GRK1: variants seen among roughly 807,000 people sequenced by gnomAD.
GRK1 encodes the protein rhodopsin kinase GRK1.
A neutral mutation model predicts 41.7 loss-of-function variants in GRK1; 28 were observed. The ratio of observed to expected loss-of-function variants is 0.67; its 90% CI spans 0.50 to 0.92. The LOEUF is 0.92. GRK1 is among the 40% of genes least tolerant of loss of function. The probability of loss-of-function intolerance (pLI) is 0.00; values close to 1 mark genes in which losing one functional copy is unlikely to be tolerated. For missense variants in GRK1, 703 were observed against 671.2 expected (o/e 1.05, Z -0.52); for synonymous variants, 327 against 286.7 (o/e 1.14, Z -1.42).
intron 4 of GRK1, among the ~76,000 whole-genome samples, chr13:113,729,944 C>G (rs936958221): frequency 1.3e-5 from 2 of 148,994 alleles, no homozygotes; most frequent in African/African-American, 5.0e-5. Context: ...AGACAGTCCC[C>G]GCGGCTGCGC....
In GRK1 at chr13:113,667,525, TGTGA is replaced by T. The variant is rs748680704; in HGVS notation, c.142_145del (p.Glu48ProfsTer82). The T allele has an allele frequency of 7.4e-6, 12 of 1,613,318 alleles. No individual in the cohort carries two copies. In the South Asian group the frequency reaches 1.3e-4, roughly 18 times the overall value. On this transcript the variant is annotated frameshift_variant, in exon 1 of 7. Transcript: ENST00000335678. LOFTEE classifies it high-confidence loss of function. This position sits in a 1 kb window ranked among gnomAD's most constrained non-coding sequence, Gnocchi z 7.5. ...GCTCAAGCTGCCCCCGCTGTCCAAG[TGTGA>T]GTCCCTCCGCGACAGCCTCAGCCTG...
chr13:113,732,747 C>A, intron 5 of GRK1, 137 bp from the exon 6 acceptor site: 1 of 823,786 alleles, frequency 1.2e-6, no homozygotes, highest in Non-Finnish European at 1.9e-6. Flanking sequence ...CGCTGCTGTG[C>A]TGGGGAGGGG....
At chr13:113,653,211 C>G in the GRK1 span, 2 of 1,386,050 alleles carry the variant, frequency 1.4e-6, no homozygotes, top group Non-Finnish European at 2.0e-6. Flanking sequence ...TTTCACACCT[C>G]ACCTGCTGCT....
At chr13:113,732,183 C>G (rs2049942052) in intron 5 of GRK1, among the ~76,000 whole-genome samples, 2 of 152,192 alleles carry the variant, frequency 1.3e-5, no homozygotes, top group Non-Finnish European at 2.9e-5. Flanking sequence ...AGAGTTGCAT[C>G]AGGCTGCCTT....
the GRK1 span, among the ~76,000 whole-genome samples, chr13:113,659,659 C>T: frequency 4.6e-5 from 7 of 151,992 alleles, no homozygotes; most frequent in East Asian, 9.7e-4. Context: ...TTTAGAACTC[C>T]TGAGTTCAAG....
chr13:113,660,960 A>C, the GRK1 span, among the ~76,000 whole-genome samples: 1 of 152,222 alleles, frequency 6.6e-6, no homozygotes, highest in Non-Finnish European at 1.5e-5. Flanking sequence ...GAACAACCAA[A>C]TAGAAAATTA....
intron 6 of GRK1, among the ~76,000 whole-genome samples, chr13:113,733,737 A>G (rs1208548328): frequency 3.3e-4 from 29 of 87,146 alleles, no homozygotes; most frequent in South Asian, 7.7e-4. Context: ...GCGCGTGTGT[A>G]TGTGTGCATA....
chr13:113,667,085 G>T, upstream of GRK1: 1 of 293,306 alleles, frequency 3.4e-6, no homozygotes, highest in South Asian at 8.6e-5. This position sits in a 1 kb window ranked among gnomAD's most constrained non-coding sequence, Gnocchi z 7.5. Context: ...CGGGCAGAAT[G>T]ATCTAATCGG....
chr13:113,732,854 G>A, intron 5 of GRK1, 30 bp from the exon 6 acceptor site: 1 of 1,521,174 alleles, frequency 6.6e-7, no homozygotes, highest in Non-Finnish European at 8.8e-7. Context: ...GGCGGGTCTG[G>A]CAGGGCTAAG....
the GRK1 span, chr13:113,654,735 T>TC: frequency 6.6e-7 from 1 of 1,520,554 alleles, no homozygotes. Flanking sequence ...AGGGCACGGG[T>TC]CCCCCGGGCG....
Position 113,735,073 on chromosome 13 carries a change from C to T in GRK1, c.1402C>T (p.Leu468=). 5.3e-6 allele frequency: 8 copies of T among 1,513,654 alleles called. No homozygotes were observed. The highest frequency in any genetic ancestry group is 7.1e-6 in the Non-Finnish European group (8 of 1,129,338). The allele number at this position is 1,513,654 out of a possible 1,614,324, so 93.8% of individuals were successfully genotyped here. ...GTGTTTTCTGTCTCCCACAGGGATG[C>T]TGATGCCCCCTTTCATCCCAGACTC... The part of the protein sequence containing the change: ...LNWRQLEAGM[L]MPPFIPDSKT... Residue 468 remains leucine, a synonymous_variant, in exon 7 of 7, where the codon CTG becomes TTG. Coordinates refer to ENST00000335678, the MANE Select transcript of GRK1 (RefSeq NM_002929.3).
chr13:113,658,033 C>A, the GRK1 span: 2 of 1,598,190 alleles, frequency 1.3e-6, no homozygotes, highest in South Asian at 1.1e-5. Flanking sequence ...CCGCACGTAC[C>A]CCACCGGGAC....
intron 4 of GRK1, among the ~76,000 whole-genome samples, chr13:113,729,924 C>T (rs2049922164): frequency 6.7e-6 from 1 of 150,352 alleles, no homozygotes; most frequent in African/African-American, 2.5e-5. Flanking sequence ...AGACCCATCC[C>T]TCCATCCCAA....
chr13:113,729,009 T>C (rs1180273947), intron 4 of GRK1, among the ~76,000 whole-genome samples: 1 of 152,008 alleles, frequency 6.6e-6, no homozygotes, highest in African/African-American at 2.4e-5. Context: ...ATCTTCTCTG[T>C]GAGGAGCAGT....
chr13:113,729,287 C>T (rs550297006), intron 4 of GRK1, among the ~76,000 whole-genome samples: 77 of 152,346 alleles, frequency 5.1e-4, no homozygotes, highest in African/African-American at 1.6e-3. Flanking sequence ...CAGGCTCCAT[C>T]GCTCCCTGAT....
chr13:113,737,014 G>A lies in GRK1; in HGVS notation c.*1651G>A, dbSNP rs1414403828. 1 of 152,374 alleles carries A rather than the reference G, an allele frequency of 6.6e-6. No homozygotes were observed. The highest frequency in any genetic ancestry group is 1.5e-5 in the Non-Finnish European group (1 of 68,130). 9.4% of individuals were successfully genotyped at this position (152,374 alleles called of 1,614,324 possible). A position where few individuals can be genotyped will look rare whatever the true frequency, so the allele number is the denominator to read the frequency against. ...TCTCCCAGAAATGGCAGAGACAGCT[G>A]CCTGAGAGTCAGTGCTGCAGTGGGC... is the stretch of plus-strand genomic sequence containing the variant. On this transcript the variant is annotated 3_prime_UTR_variant, in exon 7 of 7. Coordinates refer to ENST00000335678, the MANE Select transcript of GRK1 (RefSeq NM_002929.3).
the GRK1 span, among the ~76,000 whole-genome samples, chr13:113,657,587 T>G: frequency 1.3e-5 from 2 of 152,206 alleles, no homozygotes; most frequent in Non-Finnish European, 2.9e-5. Flanking sequence ...CACCTCCGCA[T>G]CTGGACGCCA....
intron 6 of GRK1, among the ~76,000 whole-genome samples, chr13:113,733,968 G>GCATA (rs1555361275): frequency 9.2e-4 from 115 of 125,050 alleles, no homozygotes; most frequent in African/African-American, 2.9e-3. Context: ...ACGTGTGTGT[G>GCATA]CGTGTGTGCG....
intron 4 of GRK1, 102 bp downstream of exon 4, chr13:113,723,259 T>A: frequency 1.7e-6 from 1 of 583,544 alleles, no homozygotes; most frequent in Admixed American, 2.4e-5. Context: ...AGTTTGTGTA[T>A]ATAGGTGTGT....
Sources: gnomAD v4.1 joint callset for allele counts (sites outside exome capture counted in the v4.1 genomes callset) on GRCh38, gnomAD v4.1.1 for gene constraint, Gnocchi (gnomAD v3.1) non-coding constraint, MANE v1.5 for transcripts, NCBI Gene and HGNC (gene_info 2026-07-23, HGNC 2026-07-21) for gene names.